The following PRKN variants were observed in gnomAD, a reference collection of about 807,000 sequenced individuals.
PRKN encodes parkin RBR E3 ubiquitin protein ligase.
A neutral mutation model predicts 59.5 loss-of-function variants in PRKN; 56 were observed. That is an observed-to-expected ratio of 0.94 (90% CI 0.76 to 1.18). The LOEUF (loss-of-function observed/expected upper bound fraction) is 1.18. PRKN is among the 50% of genes most tolerant of loss of function. The pLI is 0.00. For synonymous variants in PRKN, 250 were observed against 222.1 expected (o/e 1.13, Z -1.12); for missense variants, 657 against 596.4 (o/e 1.10, Z -1.06).
chr6:161,928,003 T>C (rs1239820147), intron 6 of PRKN, among the ~76,000 whole-genome samples: 6 of 152,200 alleles, frequency 3.9e-5, no homozygotes, highest in Non-Finnish European at 7.3e-5. Context: ...GAAATACACC[T>C]ACTATGATGG....
chr6:162,440,726 G>A (rs1790011175), intron 2 of PRKN, among the ~76,000 whole-genome samples: 1 of 152,000 alleles, frequency 6.6e-6, no homozygotes, highest in Non-Finnish European at 1.5e-5. Context: ...ATTCATTAAT[G>A]GAAGCATTAA....
intron 2 of PRKN, among the ~76,000 whole-genome samples, chr6:162,333,290 C>A (rs116361077): frequency 1.3e-5 from 2 of 150,316 alleles, no homozygotes; most frequent in East Asian, 3.9e-4. Flanking sequence ...CACATGCAGG[C>A]ACACCTCTTG....
Position 161,348,847 on chromosome 6 carries a change from G to A in PRKN, c.*1252C>T, listed in dbSNP as rs77926621. ...TGTGGGTAAGAGCATGCGGTTTGCC[G>A]CATGCAGTGTTGTTAATCTTTTGAT... On this transcript the variant is annotated 3_prime_UTR_variant, in exon 12 of 12. Transcript: ENST00000366898. This position sits in a 1 kb window ranked among gnomAD's most constrained non-coding sequence, Gnocchi z 4.9. The A allele has an allele frequency of 0.011, 2,208 of 207,410 alleles. 21 individuals are homozygous for A. The highest frequency in any genetic ancestry group is 0.03 in the African/African-American group (1,326 of 43,986). The allele number at this position is 207,410 out of a possible 1,614,324, so 12.8% of individuals were successfully genotyped here.
chr6:162,194,488 C>T (rs927380361), intron 4 of PRKN, among the ~76,000 whole-genome samples: 1 of 152,086 alleles, frequency 6.6e-6, no homozygotes, highest in African/African-American at 2.4e-5. Context: ...AAGAAAATGG[C>T]AGTAGCAGCA....
At chr6:161,536,469 C>T (rs975959727) in intron 9 of PRKN, among the ~76,000 whole-genome samples, 8 of 151,888 alleles carry the variant, frequency 5.3e-5, no homozygotes, top group Non-Finnish European at 1.0e-4. Context: ...GGGAGATGGC[C>T]GTCAGGAGGG....
At chr6:162,153,854 T>C (rs982939261) in intron 4 of PRKN, among the ~76,000 whole-genome samples, 3 of 152,066 alleles carry the variant, frequency 2.0e-5, no homozygotes, top group African/African-American at 7.2e-5. Flanking sequence ...CAGCTGAGCC[T>C]GGGGTCTTTA....
chr6:162,582,258 A>T (rs1288488423), intron 1 of PRKN, among the ~76,000 whole-genome samples: 2 of 152,206 alleles, frequency 1.3e-5, no homozygotes, highest in Non-Finnish European at 2.9e-5. Context: ...GTTCTCACTG[A>T]TTTATAGATC....
At chr6:162,687,190 T>C (rs1291148727) in intron 1 of PRKN, among the ~76,000 whole-genome samples, 1 of 146,846 alleles carries the variant, frequency 6.8e-6, no homozygotes, top group Non-Finnish European at 1.5e-5. Context: ...CTCTTTTTCT[T>C]TTTTTTTTTT....
rs1784672003 is a variant in PRKN at position 162,352,673 on chromosome 6, T to C, written c.172-89908A>G. Among the ~76,000 whole-genome samples, 4 of 152,202 alleles carry C rather than the reference T, an allele frequency of 2.6e-5. No homozygotes were observed. The South Asian group carries it at 8.3e-4, about 31-fold the overall frequency. On this transcript the variant is annotated intron_variant, in intron 2 of 11. Transcript: ENST00000366898. ...TTAAAATCTAACAGTCACATTCCTG[T>C]AAAAGATATCTTCATCTCACGTCTA...
intron 7 of PRKN, among the ~76,000 whole-genome samples, chr6:161,766,986 A>C (rs1285901302): frequency 3.9e-5 from 6 of 152,202 alleles, no homozygotes; most frequent in African/African-American, 1.2e-4. Context: ...AATCACTGTG[A>C]GGCTTATATA....
intron 6 of PRKN, among the ~76,000 whole-genome samples, chr6:161,913,918 G>A (rs2128237559): frequency 6.6e-6 from 1 of 152,328 alleles, no homozygotes; most frequent in East Asian, 1.9e-4. Context: ...AGGACAGCAA[G>A]AAGGCAGCTG....
intron 2 of PRKN, among the ~76,000 whole-genome samples, chr6:162,395,398 G>A (rs537248257): frequency 1.3e-5 from 2 of 152,298 alleles, no homozygotes; most frequent in Admixed American, 6.5e-5. Context: ...TTGGCCAACA[G>A]CCAGCATCAA....
intron 1 of PRKN, among the ~76,000 whole-genome samples, chr6:162,484,308 A>AT (rs1792445336): frequency 6.6e-6 from 1 of 152,214 alleles, no homozygotes; most frequent in South Asian, 2.1e-4. Context: ...TCATTAGGGA[A>AT]TAAGTGTCAA....
chr6:162,134,408 C>T (rs1020918936), intron 4 of PRKN, among the ~76,000 whole-genome samples: 1 of 152,110 alleles, frequency 6.6e-6, no homozygotes, highest in Non-Finnish European at 1.5e-5. Context: ...TGGTTGTTTG[C>T]TTGTTTTATA....
intron 1 of PRKN, among the ~76,000 whole-genome samples, chr6:162,496,030 G>A (rs1330391917): frequency 4.6e-5 from 7 of 152,172 alleles, no homozygotes; most frequent in Non-Finnish European, 1.0e-4. Context: ...TTGAGGTCAG[G>A]AGTTTGAGAC....
chr6:162,123,913 T>C (rs1562527119), intron 4 of PRKN, among the ~76,000 whole-genome samples: 5 of 152,160 alleles, frequency 3.3e-5, no homozygotes, highest in African/African-American at 1.2e-4. Flanking sequence ...TGTTAGACTA[T>C]ACCGAGAGGA....
intron 2 of PRKN, among the ~76,000 whole-genome samples, chr6:162,389,301 G>A (rs1057413809): frequency 5.3e-5 from 8 of 152,126 alleles, no homozygotes; most frequent in African/African-American, 1.9e-4. Context: ...TGGGGCACCG[G>A]TGGGTGCAGG....
At chr6:161,516,053 C>A (rs991677356) in intron 9 of PRKN, among the ~76,000 whole-genome samples, 5 of 152,170 alleles carry the variant, frequency 3.3e-5, no homozygotes, top group African/African-American at 1.2e-4. Context: ...TAAGAAGCTT[C>A]ATTATGGTAC....
At chr6:162,088,712 C>T (rs1035120460) in intron 4 of PRKN, among the ~76,000 whole-genome samples, 3 of 152,104 alleles carry the variant, frequency 2.0e-5, no homozygotes, top group Admixed American at 1.3e-4. Context: ...CAAGTAAAGA[C>T]ATTGCGTTAC....
Sources: allele counts gnomAD v4.1 joint callset (sites outside exome capture counted in the v4.1 genomes callset), GRCh38; gene constraint gnomAD v4.1.1; non-coding constraint Gnocchi (gnomAD v3.1); transcripts MANE v1.5; gene names NCBI Gene and HGNC (gene_info 2026-07-23, HGNC 2026-07-21).